ZNF407: variants seen among roughly 807,000 people sequenced by gnomAD.
ZNF407 encodes zinc finger protein 407.
In ZNF407, 17 loss-of-function variants were observed where a neutral mutation model predicts 131.2. The ratio of observed to expected loss-of-function variants is 0.13; its 90% confidence interval spans 0.09 to 0.19. ZNF407 has a LOEUF of 0.19. Among genes scored for constraint, ZNF407 ranks in the 10% least tolerant of loss-of-function variants. ZNF407 has a pLI of 1.00. For synonymous variants in ZNF407, 1,156 were observed against 1,062.0 expected, an observed-to-expected ratio of 1.09 and a Z score of -1.72; for missense variants, 2,681 against 2,830.6, an observed-to-expected ratio of 0.95 and a Z score of 1.20.
chr18:74,858,421 C>G (rs1361521588), intron 4 of ZNF407, among the ~76,000 whole-genome samples: 4 of 152,070 alleles, frequency 2.6e-5, no homozygotes, highest in African/African-American at 9.7e-5. Context: ...TTTGTACAGC[C>G]AAATGGTAGC....
intron 3 of ZNF407, among the ~76,000 whole-genome samples, chr18:74,758,806 C>T (rs1969024403): frequency 6.6e-6 from 1 of 152,108 alleles, no homozygotes; most frequent in African/African-American, 2.4e-5. Flanking sequence ...TCTCGAACTC[C>T]TGACCTCAAA....
At position 74,877,254 on chromosome 18, in the gene ZNF407, C is replaced by A. The variant is rs1456705747; in HGVS notation, c.4935C>A (p.Asn1645Lys). 1 of 1,613,856 alleles carries A rather than the reference C, an allele frequency of 6.2e-7. No homozygotes were observed. Among genetic ancestry groups the A allele is most frequent in the Non-Finnish European group, 8.5e-7 (1 of 1,179,848 alleles). The part of the protein sequence containing the change: ...RSFTEKWALN[N>K]HMKLHTGEKP... ...TCACAGAGAAGTGGGCCCTGAACAA[C>A]CACATGAAACTCCACACGGGAGAAA... is the stretch of plus-strand genomic sequence containing the variant. The change falls in exon 5 of 9, where the codon AAC (asparagine) becomes AAA (lysine). Residue 1645 changes from asparagine to lysine, a missense_variant. Asn to Lys is a moderately conservative substitution (Grantham distance 94). This residue lies in a region of ZNF407 where 213 missense variants were observed against 332.2 expected (regional missense o/e 0.64). Coordinates refer to ENST00000299687, the MANE Select transcript of ZNF407 (RefSeq NM_017757.3).
At chr18:74,929,565 A>C (rs368589009) in intron 8 of ZNF407, among the ~76,000 whole-genome samples, 6 of 152,162 alleles carry the variant, frequency 3.9e-5, no homozygotes, top group African/African-American at 1.4e-4. Context: ...AACTAATTCA[A>C]TATAACTTAC....
At chr18:74,655,956 G>A (rs1398874683) in intron 3 of ZNF407, among the ~76,000 whole-genome samples, 1 of 151,888 alleles carries the variant, frequency 6.6e-6, no homozygotes, top group South Asian at 2.1e-4. Flanking sequence ...AAGCATTTTT[G>A]CTCAACTATA....
At chr18:74,646,673 A>C (rs557412468) in intron 3 of ZNF407, among the ~76,000 whole-genome samples, 34 of 152,336 alleles carry the variant, frequency 2.2e-4, no homozygotes, top group African/African-American at 7.5e-4. Context: ...AAAACTGTAC[A>C]AATGACTTTA....
intron 3 of ZNF407, among the ~76,000 whole-genome samples, chr18:74,701,676 T>C (rs1157717085): frequency 6.6e-6 from 1 of 152,190 alleles, no homozygotes; most frequent in African/African-American, 2.4e-5. Context: ...ACATGATGGT[T>C]TTTGAATTGA....
chr18:74,775,369 A>G (rs531960497), intron 3 of ZNF407, among the ~76,000 whole-genome samples: 4 of 152,218 alleles, frequency 2.6e-5, no homozygotes, highest in African/African-American at 7.2e-5. Flanking sequence ...TCATAGTTCA[A>G]CTGTGTTACA....
At chr18:74,777,852 C>A (rs1410633888) in intron 3 of ZNF407, among the ~76,000 whole-genome samples, 1 of 151,910 alleles carries the variant, frequency 6.6e-6, no homozygotes, top group Non-Finnish European at 1.5e-5. Flanking sequence ...GACTTCTAGG[C>A]AGGAGGATTC....
At chr18:75,059,226 G>A (rs2054787493) in intron 8 of ZNF407, among the ~76,000 whole-genome samples, 2 of 152,104 alleles carry the variant, frequency 1.3e-5, no homozygotes, top group Admixed American at 1.3e-4. Flanking sequence ...GTGCTGCAAG[G>A]GATCCAAAGG....
At chr18:75,041,357 A>G (rs1973370320) in intron 8 of ZNF407, among the ~76,000 whole-genome samples, 1 of 152,200 alleles carries the variant, frequency 6.6e-6, no homozygotes, top group Non-Finnish European at 1.5e-5. Flanking sequence ...GAAAAGCTGT[A>G]GGGTTTCCCC....
At chr18:74,825,978 CTGTT>C (rs1970404746) in intron 4 of ZNF407, among the ~76,000 whole-genome samples, 1 of 152,126 alleles carries the variant, frequency 6.6e-6, no homozygotes, top group African/African-American at 2.4e-5. Context: ...ATACACTAAA[CTGTT>C]TGGCTACAGA....
At chr18:74,728,660 C>G (rs1272198061) in intron 3 of ZNF407, among the ~76,000 whole-genome samples, 3 of 152,100 alleles carry the variant, frequency 2.0e-5, no homozygotes, top group Non-Finnish European at 2.9e-5. Context: ...GTGCCTGAGG[C>G]TTGTGAGGAA....
At position 74,808,359 on chromosome 18, in the gene ZNF407, C is replaced by T. The variant is rs1159644943; in HGVS notation, c.4877+26857C>T. Among the ~76,000 whole-genome samples, 3 of 151,974 alleles carry T rather than the reference C, an allele frequency of 2.0e-5. No individual in the cohort carries two copies. The South Asian group carries it at 6.2e-4, about 32-fold the overall frequency. The stretch of plus-strand genomic sequence containing the variant: ...TTTTAGTATCTTTGCTCATAAAGCT[C>T]TAAGTGTTAAAAATGTGTAGAAAGG... On this transcript the variant is annotated intron_variant, in intron 4 of 8. Transcript: ENST00000299687.
At chr18:75,062,038 G>A (rs907773191) in intron 8 of ZNF407, 1 of 152,274 alleles carries the variant, frequency 6.6e-6, no homozygotes, top group African/African-American at 2.4e-5. Flanking sequence ...GGTGGAGGAA[G>A]CCTTGGGCAA....
chr18:74,816,293 G>A (rs1290969845), intron 4 of ZNF407, among the ~76,000 whole-genome samples: 2 of 152,220 alleles, frequency 1.3e-5, no homozygotes, highest in East Asian at 3.9e-4. Context: ...GAGCTGAGTG[G>A]AATTTTCTTT....
chr18:74,975,148 GC>G (rs1478388651), intron 8 of ZNF407, among the ~76,000 whole-genome samples: 1 of 152,214 alleles, frequency 6.6e-6, no homozygotes, highest in African/African-American at 2.4e-5. Context: ...TTATTAAAAT[GC>G]ATAGAGCTGA....
chr18:74,861,637 C>T (rs974092922), intron 4 of ZNF407, among the ~76,000 whole-genome samples: 1 of 152,160 alleles, frequency 6.6e-6, no homozygotes, highest in East Asian at 1.9e-4. Context: ...CTTCTAGGAA[C>T]GAGTAGCCTA....
Position 74,634,081 on chromosome 18 carries a change from A to T in ZNF407, c.3062A>T (p.His1021Leu). Residue 1021 changes from histidine to leucine, a missense_variant, in exon 2 of 9, where the codon CAC becomes CTC. His to Leu is a moderately conservative substitution (Grantham distance 99). Coordinates refer to ENST00000299687, the MANE Select transcript of ZNF407 (RefSeq NM_017757.3). Reference sequence around the variant, plus strand: ...GGCACAGGTGAGAATAAGTGTTTGCACTGTGAGTTTAGTGCTCACTCCTCT... The same window carrying T: ...GGCACAGGTGAGAATAAGTGTTTGCTCTGTGAGTTTAGTGCTCACTCCTCT... ...VTGTGENKCL[H>L]CEFSAHSSAS... 1.2e-6 allele frequency: 2 copies of T among 1,614,074 alleles called. No homozygotes were observed. The highest frequency in any genetic ancestry group is 1.7e-6 in the Non-Finnish European group (2 of 1,179,910).
intron 4 of ZNF407, among the ~76,000 whole-genome samples, chr18:74,789,563 C>T (rs1400764986): frequency 6.6e-6 from 1 of 152,120 alleles, no homozygotes; most frequent in African/African-American, 2.4e-5. Context: ...GTCGTCTTTT[C>T]CTCTGTCTGT....
Sources: allele counts gnomAD v4.1 joint callset (sites outside exome capture counted in the v4.1 genomes callset), GRCh38; gene constraint gnomAD v4.1.1; regional missense constraint gnomAD v4.1.1; transcripts MANE v1.5; gene names NCBI Gene and HGNC (gene_info 2026-07-23, HGNC 2026-07-21).